CACNA1B: variants seen among roughly 807,000 people sequenced by gnomAD.
CACNA1B encodes the protein voltage-dependent N-type calcium channel subunit alpha-1B.
A neutral mutation model predicts 247.2 loss-of-function variants in CACNA1B; 70 were observed. The ratio of observed to expected loss-of-function variants is 0.28; its 90% confidence interval spans 0.23 to 0.35. The LOEUF is 0.35. Ranked by LOEUF, CACNA1B falls within the 10% of genes least tolerant of loss-of-function variation. The pLI is 1.00. For synonymous variants in CACNA1B, 1,231 were observed against 1,294.4 expected (o/e 0.95, Z 1.05); for missense variants, 2,367 against 3,197.4 (o/e 0.74, Z 6.26).
rs147657436 is a variant in CACNA1B, at chr9:138,086,061, A to T, written c.5094+7803A>T. ...AACCGTAATGATAAATAATGAGAGG[A>T]AGAAAGGAAGAAAAGATATACAAAA... On this transcript the variant is annotated intron_variant, in intron 36 of 46. Coordinates refer to ENST00000371372, the MANE Select transcript of CACNA1B (RefSeq NM_000718.4). Among the ~76,000 whole-genome samples the T allele has an allele frequency of 3.1e-4, 47 of 151,448 alleles. 3 individuals carry two copies. The highest frequency in any genetic ancestry group is 1.0e-3 in the African/African-American group (41 of 41,050).
chr9:138,059,233 C>T lies in CACNA1B; in HGVS notation c.4584+44C>T. ...GCTTTGCCTTTTGACAACCTATATT[C>T]TGGTTCCCCATCTGTAGGGCGACCT... On this transcript the variant is annotated intron_variant, in intron 30 of 46. Coordinates refer to ENST00000371372, the MANE Select transcript of CACNA1B (RefSeq NM_000718.4). This position sits in a 1 kb window ranked among gnomAD's most constrained non-coding sequence, Gnocchi z 4.2. The T allele has an allele frequency of 1.7e-6, 2 of 1,200,212 alleles. No individual in the cohort carries two copies. Among genetic ancestry groups the T allele is most frequent in the Non-Finnish European group, 1.2e-6 (1 of 811,286 alleles). 74.3% of individuals were successfully genotyped at this position (1,200,212 alleles called of 1,614,324 possible).
chr9:138,027,999 G>T (rs1281698145), intron 20 of CACNA1B, among the ~76,000 whole-genome samples: 1 of 143,062 alleles, frequency 7.0e-6, no homozygotes, highest in Non-Finnish European at 1.5e-5. Context: ...CTAAAAGAGG[G>T]TCTCATTTCC....
At chr9:137,911,520 G>T (rs112308363) in intron 3 of CACNA1B, among the ~76,000 whole-genome samples, 2 of 152,176 alleles carry the variant, frequency 1.3e-5, no homozygotes, top group Non-Finnish European at 1.5e-5. Context: ...GGCTCAAGCA[G>T]TTCTCCTGCC....
intron 31 of CACNA1B, among the ~76,000 whole-genome samples, chr9:138,065,298 C>T (rs1959876998): frequency 6.6e-6 from 1 of 152,172 alleles, no homozygotes; most frequent in South Asian, 2.1e-4. Flanking sequence ...TCAGCAGGAC[C>T]ACCGCTTCCC....
At chr9:138,068,619 C>G (rs747682210) in intron 31 of CACNA1B, 4 of 518,736 alleles carry the variant, frequency 7.7e-6, no homozygotes, top group Non-Finnish European at 1.5e-5. Flanking sequence ...AAACAGAAAT[C>G]TTTATTCATC....
rs146062420 is a variant in CACNA1B, at chr9:138,006,775, G to A, written c.1983G>A (p.Thr661=). 129 of 1,596,026 alleles carry A rather than the reference G, an allele frequency of 8.1e-5. No homozygotes were observed. The African/African-American group carries it at 1.4e-3, about 18-fold the overall frequency. The change falls in exon 16 of 47, where the codon ACG becomes ACA. Residue 661 remains threonine, a synonymous_variant. Transcript: ENST00000371372. ...AAILTVFQIL[T]GEDWNAVMYH... is the part of the protein sequence containing the mutation. ...TCTCTCCATCCTGGCAGATCCTGAC[G>A]GGAGAGGACTGGAATGCAGTGATGT... is the stretch of plus-strand genomic sequence containing the variant.
At chr9:137,923,460 G>A (rs1430968367) in intron 6 of CACNA1B, among the ~76,000 whole-genome samples, 10 of 150,588 alleles carry the variant, frequency 6.6e-5, no homozygotes, top group African/African-American at 2.4e-4. Flanking sequence ...GTATTCCGTG[G>A]TGCCAGGTAG....
chr9:138,096,744 C>T (rs1487940869), intron 37 of CACNA1B, 133 bp downstream of exon 37: 3 of 777,984 alleles, frequency 3.9e-6, no homozygotes, highest in Admixed American at 5.8e-5. Flanking sequence ...AGGGATCTGT[C>T]CTGTTTCGTG....
At chr9:137,915,899 A>G (rs766112695) in intron 5 of CACNA1B, among the ~76,000 whole-genome samples, 9 of 151,964 alleles carry the variant, frequency 5.9e-5, no homozygotes, top group Non-Finnish European at 1.2e-4. Flanking sequence ...ATTTATCAAG[A>G]TATTTGGACA....
In CACNA1B at chr9:137,914,186, C is replaced by T. The variant is rs559611539; in HGVS notation, c.623-468C>T. Among the ~76,000 whole-genome samples, 2 of 152,140 alleles carry T rather than the reference C, an allele frequency of 1.3e-5. No homozygotes were observed. Among genetic ancestry groups the T allele is most frequent in the East Asian group, 3.9e-4 (2 of 5,186 alleles). On this transcript the variant is annotated intron_variant, in intron 4 of 46. Transcript: ENST00000371372. This position sits in a 1 kb window ranked among gnomAD's most constrained non-coding sequence, Gnocchi z 4.3. The stretch of plus-strand genomic sequence containing the variant: ...CTCCCAGCATTCTCTGCTCCTTCCT[C>T]CCAGGATCCCCTGCCCTTAGCTCCC...
chr9:137,920,344 G>A (rs1287841705), intron 6 of CACNA1B, among the ~76,000 whole-genome samples: 2 of 152,102 alleles, frequency 1.3e-5, no homozygotes, highest in Admixed American at 6.5e-5. Flanking sequence ...TTACAGGCAC[G>A]AGCCACCCCA....
Position 138,120,772 on chromosome 9 carries a change from T to A in CACNA1B, c.6380T>A (p.Phe2127Tyr), listed in dbSNP as rs1962061678. ...PSSSSSEKQR[F>Y]YSCDRFGGRE... is the part of the protein sequence containing the mutation. ...TCCTCCTCCTCGGAGAAGCAGCGCT[T>A]CTACTCCTGCGACCGCTTTGGGGGC... The change falls in exon 46 of 47, where the codon TTC (phenylalanine) becomes TAC (tyrosine). Residue 2127 changes from phenylalanine to tyrosine, a missense_variant. Transcript: ENST00000371372. The A allele has an allele frequency of 6.4e-7, 1 of 1,552,620 alleles. No homozygotes were observed. Among genetic ancestry groups the A allele is most frequent in the Non-Finnish European group, 8.7e-7 (1 of 1,148,544 alleles).
intron 10 of CACNA1B, among the ~76,000 whole-genome samples, chr9:137,966,793 C>T (rs1958083516): frequency 6.6e-6 from 1 of 152,122 alleles, no homozygotes; most frequent in African/African-American, 2.4e-5. Flanking sequence ...CCGCCTTGGC[C>T]TCCCAAAGTG....
chr9:137,987,969 C>T (rs1376638639), intron 15 of CACNA1B, among the ~76,000 whole-genome samples: 1 of 152,252 alleles, frequency 6.6e-6, no homozygotes, highest in Non-Finnish European at 1.5e-5. Context: ...TCTCTGGTCT[C>T]ATGTTTGAGT....
chr9:138,022,048 T>C (rs1204207424), intron 18 of CACNA1B, among the ~76,000 whole-genome samples: 1 of 152,216 alleles, frequency 6.6e-6, no homozygotes, highest in African/African-American at 2.4e-5. Flanking sequence ...CACTCTGGGC[T>C]ATGGAGCCCC....
intron 9 of CACNA1B, 79 bp downstream of exon 9, chr9:137,956,906 T>C: frequency 8.4e-7 from 1 of 1,187,880 alleles, no homozygotes; most frequent in Non-Finnish European, 1.3e-6. Context: ...CCTGCTTGCA[T>C]GTTTCACGCG....
At chr9:137,895,571 A>G (rs1248142753) in intron 3 of CACNA1B, among the ~76,000 whole-genome samples, 1 of 152,208 alleles carries the variant, frequency 6.6e-6, no homozygotes. Context: ...GTTTTGTTAC[A>G]TTTACATCTA....
At position 138,058,288 on chromosome 9, in the gene CACNA1B, G is replaced by T. The variant is rs373474914; in HGVS notation, c.4308+38G>T. The T allele has an allele frequency of 3.3e-6, 5 of 1,517,176 alleles. No individual in the cohort carries two copies. Among genetic ancestry groups the T allele is most frequent in the Non-Finnish European group, 4.6e-6 (5 of 1,094,170 alleles). The allele number at this position is 1,517,176 out of a possible 1,614,324, so 94.0% of individuals were successfully genotyped here. ...TCTGTGGAGTCTTGCAGTGGACAGCGTGGGCAGCGCCATCAGGCTTCCCTC... is the reference window on the plus strand; with the variant it reads ...TCTGTGGAGTCTTGCAGTGGACAGCTTGGGCAGCGCCATCAGGCTTCCCTC... On this transcript the variant is annotated intron_variant, in intron 28 of 46. Coordinates refer to ENST00000371372, the MANE Select transcript of CACNA1B (RefSeq NM_000718.4). This position sits in a 1 kb window ranked among gnomAD's most constrained non-coding sequence, Gnocchi z 4.7.
At chr9:138,035,482 AAAAGATG>A (rs1959031437) in intron 20 of CACNA1B, among the ~76,000 whole-genome samples, 1 of 152,212 alleles carries the variant, frequency 6.6e-6, no homozygotes, top group East Asian at 1.9e-4. Flanking sequence ...AAAGAAAAGA[AAAAGATG>A]ACTGCCAGTA....
Sources: allele counts gnomAD v4.1 joint callset (sites outside exome capture counted in the v4.1 genomes callset), GRCh38; gene constraint gnomAD v4.1.1; non-coding constraint Gnocchi (gnomAD v3.1); transcripts MANE v1.5; gene names NCBI Gene and HGNC (gene_info 2026-07-23, HGNC 2026-07-21).